The following ABCA7 variants were observed in gnomAD, a reference collection of about 807,000 sequenced individuals.
ABCA7 encodes the protein ATP binding cassette subfamily A member 7.
A neutral mutation model predicts 227.6 loss-of-function variants in ABCA7; 261 were observed. That is an observed-to-expected ratio of 1.15 (90% CI 1.04 to 1.27). ABCA7 has a LOEUF of 1.27. Among genes scored for constraint, ABCA7 ranks in the 50% most tolerant of loss-of-function variants. The probability of loss-of-function intolerance (pLI) is 0.00; values close to 1 mark genes in which losing one functional copy is unlikely to be tolerated. For synonymous variants in ABCA7, 1,488 were observed against 1,279.7 expected, an observed-to-expected ratio of 1.16 and a Z score of -3.47; for missense variants, 3,331 against 2,924.5, an observed-to-expected ratio of 1.14 and a Z score of -3.21.
intron 45 of ABCA7, 103 bp downstream of exon 45, chr19:1,064,356 C>A: frequency 7.9e-7 from 1 of 1,265,110 alleles, no homozygotes; most frequent in Non-Finnish European, 1.1e-6. Context: ...AGTTTGGCTC[C>A]AACTGGAGAG....
At chr19:1,063,910 C>T in intron 44 of ABCA7, 47 bp downstream of exon 44, 1 of 1,482,722 alleles carries the variant, frequency 6.7e-7, no homozygotes, top group African/African-American at 1.4e-5. Context: ...GTGATCCAGG[C>T]CTGGAGAGAG....
At position 1,063,615 on chromosome 19, in the gene ABCA7, A is replaced by AG. The variant is rs758488225; in HGVS notation, c.5787dup (p.Asn1930GlufsTer55). 10 of 1,611,288 alleles carry AG rather than the reference A, an allele frequency of 6.2e-6. No homozygotes were observed. The East Asian group carries it at 2.2e-4, about 36-fold the overall frequency. ...ACCGGCCTGCAGGCACCTACAGCGG[A>AG]GGGAACAAACGCAAGCTGGCGACGG... On this transcript the variant is annotated frameshift_variant, in exon 43 of 47. Coordinates refer to ENST00000263094, the MANE Select transcript of ABCA7 (RefSeq NM_019112.4). LOFTEE classifies it high-confidence loss of function.
Position 1,042,068 on chromosome 19 carries a change from T to TC in ABCA7, c.310dup (p.Arg104ProfsTer85). 1 of 1,592,410 alleles carries TC rather than the reference T, an allele frequency of 6.3e-7. No homozygotes were observed. The highest frequency in any genetic ancestry group is 8.5e-7 in the Non-Finnish European group (1 of 1,176,128). Reference sequence around the variant, plus strand: ...CTGCCCTCTCTCTGTCCCCAGGGTCTCCCGGCTGCTAGCCGATGCCCGCAC... The same window carrying TC: ...CTGCCCTCTCTCTGTCCCCAGGGTCTCCCCGGCTGCTAGCCGATGCCCGCAC... On this transcript the variant is annotated frameshift_variant, in exon 5 of 47. Coordinates refer to ENST00000263094, the MANE Select transcript of ABCA7 (RefSeq NM_019112.4). LOFTEE classifies it high-confidence loss of function.
At position 1,046,982 on chromosome 19, in the gene ABCA7, G is replaced by C; in HGVS notation, c.1803G>C (p.Gly601=). The change falls in exon 14 of 47, where the codon GGG becomes GGC. Residue 601 remains glycine, a synonymous_variant. Coordinates refer to ENST00000263094, the MANE Select transcript of ABCA7 (RefSeq NM_019112.4). ...TAGGCTGGTTCCTCAGCTGCCTCGG[G>C]CCCTTCCTGCTCAGCGCCGCACTGC... ...LWLGWFLSCL[G]PFLLSAALLV... The C allele has an allele frequency of 6.3e-7, 1 of 1,582,746 alleles. No homozygotes were observed. Among genetic ancestry groups the C allele is most frequent in the Non-Finnish European group, 8.6e-7 (1 of 1,168,024 alleles).
chr19:1,065,003 G>T lies in ABCA7; in HGVS notation c.6117G>T (p.Ala2039=), dbSNP rs1252801876. The T allele has an allele frequency of 6.4e-7, 1 of 1,556,514 alleles. No individual in the cohort carries two copies. The highest frequency in any genetic ancestry group is 8.7e-7 in the Non-Finnish European group (1 of 1,151,902). ...CCCAGCCGGCAGCGGCCTTCGTGGC[G>T]GCCGAGTTCCCTGGGGCGGAGCTGC... is the stretch of plus-strand genomic sequence containing the variant. ...ARSQPAAAFV[A]AEFPGAELRE... is the part of the protein sequence containing the mutation. The change falls in exon 46 of 47, where the codon GCG becomes GCT. Residue 2039 remains alanine (A), a synonymous_variant. Transcript: ENST00000263094.
chr19:1,059,416 C>G (rs1185612009), intron 40 of ABCA7, among the ~76,000 whole-genome samples: 4 of 149,806 alleles, frequency 2.7e-5, no homozygotes, highest in African/African-American at 9.8e-5. Flanking sequence ...AGGCGCCCAC[C>G]ACCACGCCCG....
Position 1,057,999 on chromosome 19 carries a change from C to G in ABCA7, c.4965C>G (p.Asn1655Lys), listed in dbSNP as rs765456051. 1.2e-6 allele frequency: 2 copies of G among 1,614,092 alleles called. No homozygotes were observed. Among genetic ancestry groups the G allele is most frequent in the Non-Finnish European group, 1.7e-6 (2 of 1,180,026 alleles). ...CCTATGTGGTGCTCACCTGCATAAA[C>G]CTCTTTATTGGCATCAATGGAAGCA... ...STAYVVLTCI[N>K]LFIGINGSMA... Residue 1655 changes from asparagine to lysine, a missense_variant, in exon 36 of 47, where the codon AAC (asparagine) becomes AAG (lysine). Transcript: ENST00000263094.
chr19:1,046,146 C>T (rs2040627918), intron 12 of ABCA7, 84 bp from the exon 13 acceptor site: 10 of 1,473,824 alleles, frequency 6.8e-6, no homozygotes, highest in Non-Finnish European at 9.2e-6. Flanking sequence ...GAGCAAGACC[C>T]TGTCTAAGAA....
chr19:1,064,286 G>C (rs1392440042), intron 45 of ABCA7, 33 bp downstream of exon 45: 1 of 1,531,954 alleles, frequency 6.5e-7, no homozygotes, highest in Non-Finnish European at 8.8e-7. Context: ...CAGGTGTGGG[G>C]TGAGGGTGGG....
chr19:1,057,069 C>G lies in ABCA7; in HGVS notation c.4749C>G (p.Asn1583Lys). 6.2e-7 allele frequency: 1 copy of G among 1,612,932 alleles called. No homozygotes were observed. Among genetic ancestry groups the G allele is most frequent in the East Asian group, 2.2e-5 (1 of 44,876 alleles). The change falls in exon 34 of 47, where the codon AAC becomes AAG. Residue 1583 changes from asparagine to lysine, a missense_variant. Transcript: ENST00000263094. ...CCCCCACCCTCTACTGGCTTGGCAA[C>G]TTTCTCTGGGACATGGTGCGGGGGC... ...GLSPTLYWLGNFLWDMCNYLV... is the reference protein window; with the variant it reads ...GLSPTLYWLGKFLWDMCNYLV...
In ABCA7 at chr19:1,062,155, G is replaced by A. The variant is rs761803331; in HGVS notation, c.5571-17G>A. The A allele has an allele frequency of 1.2e-5, 19 of 1,610,064 alleles. 1 individual carries two copies. Among genetic ancestry groups the A allele is most frequent in the Admixed American group, 3.3e-5 (2 of 59,888 alleles). On this transcript the variant is annotated splice_polypyrimidine_tract_variant and intron_variant, in intron 41 of 46. Transcript: ENST00000263094. ...GGACTAGCCAGCTCTCTGAGCCCCC[G>A]GCGCCCCCATCCCCAGCGTGGCCCG...
intron 11 of ABCA7, 109 bp downstream of exon 11, chr19:1,044,853 G>A: frequency 1.4e-6 from 2 of 1,470,526 alleles, no homozygotes; most frequent in South Asian, 1.3e-5. Flanking sequence ...CCTAGTAAGA[G>A]CCTGGGATTT....
chr19:1,061,790 G>A lies in ABCA7; in HGVS notation c.5472G>A (p.Gly1824=). ...CLGIPPGECF[G]LLGVNGAGKT... ...TGTGGGCATCCCTGTAGTGTTTTGGGCTGCTGGGTGTGAATGGAGCAGGGA... is the reference window on the plus strand; with the variant it reads ...TGTGGGCATCCCTGTAGTGTTTTGGACTGCTGGGTGTGAATGGAGCAGGGA... The change falls in exon 41 of 47, where the codon GGG becomes GGA. Residue 1824 remains glycine, a synonymous_variant. Coordinates refer to ENST00000263094, the MANE Select transcript of ABCA7 (RefSeq NM_019112.4). The A allele has an allele frequency of 6.2e-7, 1 of 1,613,264 alleles. No individual in the cohort carries two copies. Among genetic ancestry groups the A allele is most frequent in the Non-Finnish European group, 8.5e-7 (1 of 1,179,590 alleles).
Position 1,065,517 on chromosome 19 carries a change from G to A in ABCA7, c.*92G>A. The A allele has an allele frequency of 6.9e-7, 1 of 1,443,818 alleles. No homozygotes were observed. The highest frequency in any genetic ancestry group is 9.4e-7 in the Non-Finnish European group (1 of 1,060,770). The allele number at this position is 1,443,818 out of a possible 1,614,324, so 89.4% of individuals were successfully genotyped here. A position where few individuals can be genotyped will look rare whatever the true frequency, so the allele number is the denominator to read the frequency against. ...AGCCCTGGACTCAGGCTGGCAGAGG[G>A]GCTGGTGCCCTGGAGAAAATAAAGA... On this transcript the variant is annotated 3_prime_UTR_variant, in exon 47 of 47. Transcript: ENST00000263094.
chr19:1,047,299 C>A lies in ABCA7; in HGVS notation c.1988C>A (p.Ala663Asp). The change falls in exon 15 of 47, where the codon GCC (alanine) becomes GAC (aspartate). Residue 663 changes from alanine (A) to aspartate (D), a missense_variant. By Grantham distance (126) the Ala-to-Asp change is moderately radical. Transcript: ENST00000263094. ...ANLAAACGGL[A>D]YFSLYLPYVL... ...CTGGCTGCGGCCTGCGGCGGCCTGG[C>A]CTACTTCTCCCTCTACCTGCCCTAC... 1 of 1,604,320 alleles carries A rather than the reference C, an allele frequency of 6.2e-7. No individual in the cohort carries two copies. The highest frequency in any genetic ancestry group is 8.5e-7 in the Non-Finnish European group (1 of 1,178,912).
In ABCA7 at chr19:1,065,117, C is replaced by T; in HGVS notation, c.6231C>T (p.His2077=). ...LARVFGELAV[H]GAEHGVEDFS... ...GCGTCTTTGGAGAGCTGGCGGTGCA[C>T]GGCGCAGAGCACGGCGTGGAGGACT... The change falls in exon 46 of 47, where the codon CAC becomes CAT. Residue 2077 remains histidine, a synonymous_variant. Coordinates refer to ENST00000263094, the MANE Select transcript of ABCA7 (RefSeq NM_019112.4). The T allele has an allele frequency of 1.9e-6, 3 of 1,585,580 alleles. No individual in the cohort carries two copies. Among genetic ancestry groups the T allele is most frequent in the Non-Finnish European group, 2.6e-6 (3 of 1,164,892 alleles).
Position 1,054,374 on chromosome 19 carries a change from G to T in ABCA7, c.3726+33G>T. On this transcript the variant is annotated intron_variant, in intron 27 of 46. Transcript: ENST00000263094. This position sits in a 1 kb window ranked among gnomAD's most constrained non-coding sequence, Gnocchi z 4.8. Reference sequence around the variant, plus strand: ...GGGCTAGCACCAGGGAGTCGCATGGGAGTCCCTGAGTTCCCTACCCTGGCC... The same window carrying T: ...GGGCTAGCACCAGGGAGTCGCATGGTAGTCCCTGAGTTCCCTACCCTGGCC... The T allele has an allele frequency of 1.3e-6, 2 of 1,571,402 alleles. No individual in the cohort carries two copies. Among genetic ancestry groups the T allele is most frequent in the East Asian group, 2.3e-5 (1 of 44,422 alleles).
chr19:1,043,248 CTGAG>C lies in ABCA7; in HGVS notation c.790+5_790+8del, dbSNP rs553895954. On this transcript the variant is annotated splice_donor_variant and coding_sequence_variant, in exon 8 of 47. Transcript: ENST00000263094. LOFTEE classifies it high-confidence loss of function. Reference sequence around the variant, plus strand: ...AGAATCCGCCCTGCCAGACAGCAGCCTGAGTGAGTGACTGACCTCGGTTTCCCCT... The same window carrying C: ...AGAATCCGCCCTGCCAGACAGCAGCCTGAGTGACTGACCTCGGTTTCCCCT... The C allele has an allele frequency of 5.9e-5, 95 of 1,607,904 alleles. No individual in the cohort carries two copies. The South Asian group carries it at 9.7e-4, about 16-fold the overall frequency.
chr19:1,063,617 G>A lies in ABCA7; in HGVS notation c.5786G>A (p.Gly1929Glu), dbSNP rs200778190. 32 of 1,611,416 alleles carry A rather than the reference G, an allele frequency of 2.0e-5. No homozygotes were observed. In the African/African-American group the frequency reaches 3.3e-4, roughly 17 times the overall value. Residue 1929 changes from glycine (G) to glutamate (E), a missense_variant, in exon 43 of 47, where the codon GGG becomes GAG. Transcript: ENST00000263094. ...ADRPAGTYSG[G>E]NKRKLATALA... ...CGGCCTGCAGGCACCTACAGCGGAG[G>A]GAACAAACGCAAGCTGGCGACGGCC...
Sources: allele counts gnomAD v4.1 joint callset (sites outside exome capture counted in the v4.1 genomes callset), GRCh38; gene constraint gnomAD v4.1.1; non-coding constraint Gnocchi (gnomAD v3.1); transcripts MANE v1.5; gene names NCBI Gene and HGNC (gene_info 2026-07-23, HGNC 2026-07-21).